LIPE: variants seen among roughly 807,000 people sequenced by gnomAD.
The protein encoded by LIPE is hormone-sensitive lipase.
In LIPE, 66 loss-of-function variants were observed where a neutral mutation model predicts 88.5. That is an observed-to-expected ratio of 0.75 (90% CI 0.61 to 0.91). LIPE has a LOEUF of 0.91. Ranked by LOEUF, LIPE falls within the 40% of genes least tolerant of loss-of-function variation. The probability of loss-of-function intolerance (pLI) is 0.00; values close to 1 mark genes in which losing one functional copy is unlikely to be tolerated. For missense variants in LIPE, 1,346 were observed against 1,434.7 expected (o/e 0.94, Z 1.00); for synonymous variants, 570 against 617.5 (o/e 0.92, Z 1.14).
chr19:42,416,706 C>T (rs1303262239), intron 1 of LIPE, among the ~76,000 whole-genome samples: 2 of 152,182 alleles, frequency 1.3e-5, no homozygotes, highest in Admixed American at 6.5e-5. Context: ...GATGACAGCA[C>T]GTCTGTTTAC....
At chr19:42,411,281 A>G in intron 1 of LIPE, 1 of 983,814 alleles carries the variant, frequency 1.0e-6, no homozygotes, top group Non-Finnish European at 1.2e-6. Flanking sequence ...CCTGTGATCC[A>G]GGAGGCTGCC....
chr19:42,415,570 G>A (rs961508844), intron 1 of LIPE, among the ~76,000 whole-genome samples: 2 of 152,180 alleles, frequency 1.3e-5, no homozygotes, highest in African/African-American at 4.8e-5. Context: ...CAGCACTTTG[G>A]GAGGCCGAGG....
intron 9 of LIPE, 52 bp from the exon 10 acceptor site, chr19:42,402,127 G>T: frequency 7.1e-7 from 1 of 1,412,464 alleles, no homozygotes; most frequent in South Asian, 1.5e-5. Context: ...CAGACAGACC[G>T]GGGTCGGGTA....
rs1383792923 is a variant in LIPE, at chr19:42,406,920, G to C, written c.2137+254C>G. On this transcript the variant is annotated intron_variant, in intron 6 of 9. Coordinates refer to ENST00000244289, the MANE Select transcript of LIPE (RefSeq NM_005357.4). The surrounding 1 kb of genome is among the most constrained non-coding windows in gnomAD (Gnocchi z 5.7). ...AGCAGGGCCTGGAGCTATCAGAGGG[G>C]GACGACAGAGGCCCAGGGAGACAGG... is the stretch of plus-strand genomic sequence containing the variant. Among the ~76,000 whole-genome samples, 1 of 152,204 alleles carries C rather than the reference G, an allele frequency of 6.6e-6. No homozygotes were observed. The highest frequency in any genetic ancestry group is 2.4e-5 in the African/African-American group (1 of 41,442).
chr19:42,423,849 C>T (rs1231066689), intron 1 of LIPE: 1 of 1,123,004 alleles, frequency 8.9e-7, no homozygotes, highest in East Asian at 7.6e-5. Flanking sequence ...GGGAGCACCC[C>T]AGCAGGGAAG....
intron 1 of LIPE, chr19:42,424,780 T>A (rs185466852): frequency 2.7e-6 from 1 of 364,330 alleles, no homozygotes; most frequent in East Asian, 7.3e-5. Context: ...TAGATAAAAC[T>A]TGTATTCCCC....
chr19:42,424,072 G>A, intron 1 of LIPE: 1 of 1,187,294 alleles, frequency 8.4e-7, no homozygotes, highest in East Asian at 5.9e-5. Context: ...TGGAGGCGTG[G>A]CTGTGCCTGA....
chr19:42,407,072 G>T lies in LIPE; in HGVS notation c.2137+102C>A. On this transcript the variant is annotated intron_variant, in intron 6 of 9. Transcript: ENST00000244289. This position sits in a 1 kb window ranked among gnomAD's most constrained non-coding sequence, Gnocchi z 5.8. ...GTGAGCAGGAGCTGGGAGGTGTGGG[G>T]GGAGAGAAAGGTAGAGGGTGTGAGG... 1 of 1,028,906 alleles carries T rather than the reference G, an allele frequency of 9.7e-7. No individual in the cohort carries two copies. Among genetic ancestry groups the T allele is most frequent in the South Asian group, 1.7e-5 (1 of 58,964 alleles). 63.7% of individuals were successfully genotyped at this position (1,028,906 alleles called of 1,614,324 possible).
chr19:42,423,729 A>C (rs1009156126), intron 1 of LIPE: 81 of 1,132,244 alleles, frequency 7.2e-5, no homozygotes, highest in Admixed American at 4.4e-4. Context: ...CCAGAATTTA[A>C]GATCTGGCTC....
At chr19:42,426,125 T>A (rs894430639) in intron 1 of LIPE, 142 bp downstream of exon 1, 70 of 471,412 alleles carry the variant, frequency 1.5e-4, no homozygotes, top group Admixed American at 3.0e-4. Context: ...TTTTTTTTTT[T>A]AATAATGGGG....
In LIPE at chr19:42,405,531, T is replaced by C; in HGVS notation, c.2396A>G (p.Asp799Gly). ...CCCCATCATGCCGAGGGCTTTCTGG[T>C]CTGAGTTGGAGTGGTCCTCCGTCTT... ...GAKTEDHSNSDQKALGMMGLV... is the reference protein window; with the variant it reads ...GAKTEDHSNSGQKALGMMGLV... The change falls in exon 8 of 10, where the codon GAC becomes GGC. Residue 799 changes from aspartate to glycine, a missense_variant. Coordinates refer to ENST00000244289, the MANE Select transcript of LIPE (RefSeq NM_005357.4). The C allele has an allele frequency of 6.2e-7, 1 of 1,614,124 alleles. No homozygotes were observed. Among genetic ancestry groups the C allele is most frequent in the South Asian group, 1.1e-5 (1 of 91,080 alleles).
In LIPE at chr19:42,407,886, C is replaced by A; in HGVS notation, c.1656+90G>T. ...GATCCCCAGTCTTTCCCCTTGTGTG[C>A]CATCCCTGGGCCTGGAGCCCCACAG... On this transcript the variant is annotated intron_variant, in intron 4 of 9. Transcript: ENST00000244289. The surrounding 1 kb of genome is among the most constrained non-coding windows in gnomAD (Gnocchi z 5.8). The A allele has an allele frequency of 6.4e-7, 1 of 1,561,008 alleles. No homozygotes were observed. The highest frequency in any genetic ancestry group is 1.2e-5 in the South Asian group (1 of 85,388).
At position 42,410,411 on chromosome 19, in the gene LIPE, C is replaced by T. The variant is rs773419628; in HGVS notation, c.1315G>A (p.Gly439Arg). The change falls in exon 2 of 10, where the codon GGG becomes AGG. Residue 439 changes from glycine (G) to arginine (R), a missense_variant. Transcript: ENST00000244289. This position sits in a 1 kb window ranked among gnomAD's most constrained non-coding sequence, Gnocchi z 6.1. ...AQRLLVTNRP[G>R]VLFFEGDEGL... is the part of the protein sequence containing the mutation. ...TCGTCGCCCTCAAAGAAGAGTACCC[C>T]CGGCCGATTGGTAACCAGCAGGCGC... is the stretch of plus-strand genomic sequence containing the variant. 4 of 1,614,212 alleles carry T rather than the reference C, an allele frequency of 2.5e-6. No homozygotes were observed. Among genetic ancestry groups the T allele is most frequent in the African/African-American group, 2.7e-5 (2 of 75,056 alleles).
At position 42,410,465 on chromosome 19, in the gene LIPE, G is replaced by A. The variant is rs749520769; in HGVS notation, c.1261C>T (p.Gln421Ter). 1.3e-5 allele frequency: 21 copies of A among 1,614,000 alleles called. No individual in the cohort carries two copies. Among genetic ancestry groups the A allele is most frequent in the Non-Finnish European group, 1.8e-5 (21 of 1,180,042 alleles). Reference sequence around the variant, plus strand: ...GCGTAGTAGACCAGAGCGCGGAGCTGGGTGAGGGCAGCCAGGTAGGCCTCC... The same window carrying A: ...GCGTAGTAGACCAGAGCGCGGAGCTAGGTGAGGGCAGCCAGGTAGGCCTCC... ...ELEAYLAALT[Q>*]LRALVYYAQR... Residue 421 changes from glutamine (Q) to a stop codon, truncating the protein, a stop_gained, in exon 2 of 10, where the codon CAG becomes TAG. Transcript: ENST00000244289. LOFTEE classifies it high-confidence loss of function. The surrounding 1 kb of genome is among the most constrained non-coding windows in gnomAD (Gnocchi z 6.1).
chr19:42,403,218 G>A (rs1344547406), intron 8 of LIPE, among the ~76,000 whole-genome samples, 187 bp from the exon 9 acceptor site: 1 of 151,112 alleles, frequency 6.6e-6, no homozygotes, highest in Non-Finnish European at 1.5e-5. Context: ...TCTTGGCAGT[G>A]GGGCAGTGTG....
At position 42,407,742 on chromosome 19, in the gene LIPE, C is replaced by G. The variant is rs1333209142; in HGVS notation, c.1706G>C (p.Ser569Thr). ...SATVRVSRLL[S>T]LPPEAFEMPL... is the part of the protein sequence containing the mutation. ...CATCTCAAAGGCTTCGGGTGGCAGGCTGAGCAGGCGGCTTACCCTCACGGT... is the reference window on the plus strand; with the variant it reads ...CATCTCAAAGGCTTCGGGTGGCAGGGTGAGCAGGCGGCTTACCCTCACGGT... Residue 569 changes from serine (S) to threonine (T), a missense_variant, in exon 5 of 10, where the codon AGC (serine) becomes ACC (threonine). Transcript: ENST00000244289. This position sits in a 1 kb window ranked among gnomAD's most constrained non-coding sequence, Gnocchi z 5.8. The G allele has an allele frequency of 6.4e-7, 1 of 1,564,102 alleles. No individual in the cohort carries two copies. Among genetic ancestry groups the G allele is most frequent in the East Asian group, 2.2e-5 (1 of 44,484 alleles).
At chr19:42,402,578 C>T (rs747979184) in intron 9 of LIPE, 29 bp downstream of exon 9, 21 of 1,460,936 alleles carry the variant, frequency 1.4e-5, no homozygotes, top group South Asian at 1.3e-4. Flanking sequence ...TCTCTAAATG[C>T]ACCTGTACCG....
rs772550264 is a variant in LIPE at position 42,426,535 on chromosome 19, TC to T, written c.614del (p.Gly205AspfsTer3). The T allele has an allele frequency of 6.8e-6, 11 of 1,614,090 alleles. No individual in the cohort carries two copies. Among genetic ancestry groups the T allele is most frequent in the Non-Finnish European group, 9.3e-6 (11 of 1,180,060 alleles). ...ATAGTTCCTGAAGTTTTGTTAGAAA[TC>T]CCAGCTCTGTCAAAGATCCCTGCTT... ...KSKQGSLTELGFLTKLQELSI... is the reference protein window; with the variant it reads ...KSKQGSLTELXFLTKLQELSI... On this transcript the variant is annotated frameshift_variant, in exon 1 of 10. Transcript: ENST00000244289. LOFTEE classifies it high-confidence loss of function.
Position 42,410,326 on chromosome 19 carries a change from CCAT to C in LIPE, c.1397_1399del (p.Tyr466_Gly467delinsCys), listed in dbSNP as rs1568603699. ...GCTCACCTGGAAGCCCAGGCAGCGGCCATAGAAGCATCCCTTATGCAGCGTGAC... is the reference window on the plus strand; with the variant it reads ...GCTCACCTGGAAGCCCAGGCAGCGGCAGAAGCATCCCTTATGCAGCGTGAC... On this transcript the variant is annotated inframe_deletion, in exon 2 of 10. Coordinates refer to ENST00000244289, the MANE Select transcript of LIPE (RefSeq NM_005357.4). This position sits in a 1 kb window ranked among gnomAD's most constrained non-coding sequence, Gnocchi z 6.1. 2 of 1,597,196 alleles carry C rather than the reference CCAT, an allele frequency of 1.3e-6. No individual in the cohort carries two copies. Among genetic ancestry groups the C allele is most frequent in the Non-Finnish European group, 1.7e-6 (2 of 1,171,768 alleles).
Sources: gnomAD v4.1 joint callset for allele counts (sites outside exome capture counted in the v4.1 genomes callset) on GRCh38, gnomAD v4.1.1 for gene constraint, Gnocchi (gnomAD v3.1) non-coding constraint, MANE v1.5 for transcripts, NCBI Gene and HGNC (gene_info 2026-07-23, HGNC 2026-07-21) for gene names.